The following PMM2 variants were observed in gnomAD, a reference collection of about 807,000 sequenced individuals.
PMM2 encodes the protein phosphomannomutase 2, also known as mannose-6-phosphate isomerase.
Under a neutral mutation model 33.2 loss-of-function variants are expected in PMM2, and 35 were observed. The observed-to-expected ratio is 1.06, with a 90% CI of 0.81 to 1.40. The LOEUF is 1.40. PMM2 is among the 40% of genes most tolerant of loss of function. PMM2 has a pLI of 0.00. For synonymous variants in PMM2, 153 were observed against 114.7 expected, an observed-to-expected ratio of 1.33 and a Z score of -2.13; for missense variants, 386 against 306.0, an observed-to-expected ratio of 1.26 and a Z score of -1.95.
intron 7 of PMM2, among the ~76,000 whole-genome samples, chr16:8,841,159 T>C (rs2060888149): frequency 6.6e-6 from 1 of 151,430 alleles, no homozygotes; most frequent in African/African-American, 2.4e-5. Flanking sequence ...GTTCTACCTT[T>C]CCTGAAGATT....
chr16:8,834,920 C>G (rs2060833682), intron 7 of PMM2, among the ~76,000 whole-genome samples: 1 of 152,052 alleles, frequency 6.6e-6, no homozygotes, highest in Non-Finnish European at 1.5e-5. Flanking sequence ...AGATTGAGGT[C>G]CGGGCCAGGA....
chr16:8,798,578 C>G (rs1038297841), intron 1 of PMM2, among the ~76,000 whole-genome samples: 9 of 152,194 alleles, frequency 5.9e-5, no homozygotes, highest in African/African-American at 2.2e-4. Flanking sequence ...ACACCCATCT[C>G]CAGCCCCTGC....
In PMM2 at chr16:8,813,150, C is replaced by T. The variant is rs147688858; in HGVS notation, c.639+44C>T. 9.0e-4 allele frequency: 1,093 copies of T among 1,211,946 alleles called. 8 individuals carry two copies. The African/African-American group carries it at 0.014, about 15-fold the overall frequency. The allele number at this position is 1,211,946 out of a possible 1,614,324, so 75.1% of individuals were successfully genotyped here. ...GTGCACCTTCATTGTTGCATTTGCG[C>T]TTGATGGGGGAAATTGACAACTGGG... is the stretch of plus-strand genomic sequence containing the variant. On this transcript the variant is annotated intron_variant, in intron 7 of 7. Coordinates refer to ENST00000268261, the MANE Select transcript of PMM2 (RefSeq NM_000303.3).
Position 8,845,667 on chromosome 16 carries a change from C to T in PMM2, c.640-2057C>T, listed in dbSNP as rs143883201. 2.4e-3 allele frequency among the ~76,000 whole-genome samples: 359 copies of T among 152,182 alleles called. 2 individuals carry two copies. Among genetic ancestry groups the T allele is most frequent in the African/African-American group, 8.1e-3 (338 of 41,496 alleles). ...GTTCTTGGCTCACTGCAATCTCCGC[C>T]TCCCAGGTTCAAGTGATTCTCCTGC... On this transcript the variant is annotated intron_variant, in intron 7 of 7. Coordinates refer to ENST00000268261, the MANE Select transcript of PMM2 (RefSeq NM_000303.3).
intron 7 of PMM2, chr16:8,842,274 C>G (rs1283753314): frequency 6.6e-6 from 1 of 152,442 alleles, no homozygotes; most frequent in South Asian, 2.1e-4. Context: ...GAGGGGGATA[C>G]CTGATATCCT....
intron 7 of PMM2, among the ~76,000 whole-genome samples, chr16:8,825,880 C>T (rs1012436363): frequency 7.9e-5 from 12 of 151,812 alleles, no homozygotes; most frequent in Middle Eastern, 3.2e-3. Context: ...CTCAACCTCC[C>T]GAGTAGCTGG....
chr16:8,818,914 GCT>G (rs1253710506), intron 7 of PMM2, among the ~76,000 whole-genome samples: 1 of 150,188 alleles, frequency 6.7e-6, no homozygotes, highest in Non-Finnish European at 1.5e-5. Flanking sequence ...ACCACACATG[GCT>G]CTGCATGGCT....
chr16:8,844,218 A>C (rs985300080), intron 7 of PMM2, among the ~76,000 whole-genome samples: 1 of 152,166 alleles, frequency 6.6e-6, no homozygotes, highest in African/African-American at 2.4e-5. Flanking sequence ...TATGAGTTGA[A>C]GAGGTTTTAA....
rs148507269 is a variant in PMM2, at chr16:8,813,857, C to CTT, written c.639+775_639+776dup. Among the ~76,000 whole-genome samples the CTT allele has an allele frequency of 5.4e-3, 483 of 89,120 alleles. 20 individuals are homozygous for CTT. The highest frequency in any genetic ancestry group is 0.018 in the African/African-American group (422 of 23,204). 58.5% of individuals were successfully genotyped at this position (89,120 alleles called of 152,430 possible). A position where few individuals can be genotyped will look rare whatever the true frequency, so the allele number is the denominator to read the frequency against. Reference sequence around the variant, plus strand: ...CTTTGGGCCAGCTCCTTTTCTTTCTCTTTTTTTTTTTTTTTTTTTTTTTTT... The same window carrying CTT: ...CTTTGGGCCAGCTCCTTTTCTTTCTCTTTTTTTTTTTTTTTTTTTTTTTTTTT... On this transcript the variant is annotated intron_variant, in intron 7 of 7. Transcript: ENST00000268261.
intron 7 of PMM2, chr16:8,832,678 C>T (rs1034159247): frequency 1.8e-5 from 18 of 985,332 alleles, no homozygotes; most frequent in Admixed American, 6.1e-5. Context: ...ACCCCGCACC[C>T]GTTCTCCAGA....
chr16:8,847,052 T>G (rs913798588), intron 7 of PMM2, among the ~76,000 whole-genome samples: 1 of 152,016 alleles, frequency 6.6e-6, no homozygotes, highest in Non-Finnish European at 1.5e-5. Context: ...TAAGTAGAAA[T>G]GGAGTTTTGC....
chr16:8,828,456 G>T (rs1381987080), intron 7 of PMM2, among the ~76,000 whole-genome samples: 1 of 152,140 alleles, frequency 6.6e-6, no homozygotes, highest in African/African-American at 2.4e-5. Context: ...GCTGAAGGCT[G>T]TTACACTGGT....
rs2060817324 is a variant in PMM2 at position 8,832,617 on chromosome 16, AC to A, written c.640-15104del. On this transcript the variant is annotated intron_variant, in intron 7 of 7. Transcript: ENST00000268261. ...AGGTAATGGCCTCTGTCCTCTTTGCACCCTGGCCGGCTGCAGGAGCCTCCTA... is the reference window on the plus strand; with the variant it reads ...AGGTAATGGCCTCTGTCCTCTTTGCACCTGGCCGGCTGCAGGAGCCTCCTA... 1.4e-5 allele frequency: 14 copies of A among 985,146 alleles called. No homozygotes were observed. In the South Asian group the frequency reaches 4.7e-4, roughly 33 times the overall value. The allele number at this position is 985,146 out of a possible 1,614,324, so 61.0% of individuals were successfully genotyped here.
In PMM2 at chr16:8,804,766, G is replaced by C. The variant is rs1166138838; in HGVS notation, c.179-1G>C. On this transcript the variant is annotated splice_acceptor_variant, in intron 2 of 7. Transcript: ENST00000268261. LOFTEE classifies it high-confidence loss of function. ...AAGTGTTTTTTTGGTTTTGATTGTAGTGGTTGAAAAATACGATTATGTGTT... is the reference window on the plus strand; with the variant it reads ...AAGTGTTTTTTTGGTTTTGATTGTACTGGTTGAAAAATACGATTATGTGTT... 1 of 1,610,448 alleles carries C rather than the reference G, an allele frequency of 6.2e-7. No individual in the cohort carries two copies. The highest frequency in any genetic ancestry group is 8.5e-7 in the Non-Finnish European group (1 of 1,176,714).
At chr16:8,816,786 C>G (rs1282345375) in intron 7 of PMM2, among the ~76,000 whole-genome samples, 2 of 152,046 alleles carry the variant, frequency 1.3e-5, no homozygotes, top group Non-Finnish European at 2.9e-5. Context: ...GAAATTAGAA[C>G]CCTTGTACAC....
At position 8,832,530 on chromosome 16, in the gene PMM2, G is replaced by A. The variant is rs917902051; in HGVS notation, c.640-15194G>A. 5 of 985,308 alleles carry A rather than the reference G, an allele frequency of 5.1e-6. No individual in the cohort carries two copies. The African/African-American group carries it at 7.0e-5, about 14-fold the overall frequency. The allele number at this position is 985,308 out of a possible 1,614,324, so 61.0% of individuals were successfully genotyped here. A position where few individuals can be genotyped will look rare whatever the true frequency, so the allele number is the denominator to read the frequency against. Reference sequence around the variant, plus strand: ...CCTGCATGTGACATCTGCAGGGAAGGGCAGGCCTAGCAACTGTCAGGGGAC... The same window carrying A: ...CCTGCATGTGACATCTGCAGGGAAGAGCAGGCCTAGCAACTGTCAGGGGAC... On this transcript the variant is annotated intron_variant, in intron 7 of 7. Coordinates refer to ENST00000268261, the MANE Select transcript of PMM2 (RefSeq NM_000303.3).
intron 7 of PMM2, among the ~76,000 whole-genome samples, chr16:8,831,144 CA>C (rs61001447): frequency 6.6e-6 from 1 of 151,556 alleles, no homozygotes; most frequent in Non-Finnish European, 1.5e-5. Flanking sequence ...TCTCCAAAAA[CA>C]AAAAAAACAA....
In PMM2 at chr16:8,806,242, C is replaced by A. The variant is rs1388940498; in HGVS notation, c.256-74C>A. On this transcript the variant is annotated intron_variant, in intron 3 of 7. Transcript: ENST00000268261. ...GATTTTCAGCAATCGTGGCTGAAGA[C>A]CCTGGGTTTGCTATGAAGCTGTTTT... 4 of 938,478 alleles carry A rather than the reference C, an allele frequency of 4.3e-6. No individual in the cohort carries two copies. In the Admixed American group the frequency reaches 5.1e-5, roughly 12 times the overall value. 58.1% of individuals were successfully genotyped at this position (938,478 alleles called of 1,614,324 possible).
intron 4 of PMM2, chr16:8,806,903 A>G (rs1040122239): frequency 6.0e-6 from 1 of 166,096 alleles, no homozygotes; most frequent in African/African-American, 2.4e-5. Context: ...GGCCAGATCC[A>G]CGTAAAACCC....
Sources: allele counts gnomAD v4.1 joint callset (sites outside exome capture counted in the v4.1 genomes callset), GRCh38; gene constraint gnomAD v4.1.1; transcripts MANE v1.5; gene names NCBI Gene and HGNC (gene_info 2026-07-23, HGNC 2026-07-21).